The following SORCS1 variants were observed in gnomAD, a reference collection of about 807,000 sequenced individuals.
SORCS1 encodes VPS10 domain-containing receptor SorCS1.
SORCS1 carries 60 observed loss-of-function variants against 146.1 expected under a neutral mutation model. The ratio of observed to expected loss-of-function variants is 0.41; its 90% CI spans 0.33 to 0.51. The LOEUF is 0.51. Ranked by LOEUF, SORCS1 falls within the 20% of genes least tolerant of loss-of-function variation. SORCS1 has a pLI of 0.21. For missense variants in SORCS1, 1,352 were observed against 1,487.6 expected (o/e 0.91, Z 1.50); for synonymous variants, 637 against 584.0 (o/e 1.09, Z -1.31).
At chr10:106,605,480 A>G (rs1479455967) in intron 23 of SORCS1, among the ~76,000 whole-genome samples, 1 of 152,204 alleles carries the variant, frequency 6.6e-6, no homozygotes. Context: ...AAAAGATTAA[A>G]ATCTGGATTT....
At chr10:107,059,955 C>G (rs964960930) in intron 1 of SORCS1, among the ~76,000 whole-genome samples, 1 of 151,622 alleles carries the variant, frequency 6.6e-6, no homozygotes, top group Admixed American at 6.6e-5. Flanking sequence ...AATTGAATTA[C>G]GAAGTACATT....
At chr10:106,963,110 A>ATTTTTTTTTTTTTTTTTTTTTTTTT (rs749174613) in intron 1 of SORCS1, among the ~76,000 whole-genome samples, 5 of 76,310 alleles carry the variant, frequency 6.6e-5, no homozygotes, top group African/African-American at 1.4e-4. Context: ...AATGGCCAGA[A>ATTTTTTTTTTTTTTTTTTTTTTTTT]TTTTTTTTTT....
intron 23 of SORCS1, chr10:106,600,537 A>G (rs2133338836): frequency 3.0e-6 from 3 of 985,380 alleles, no homozygotes; most frequent in Middle Eastern, 5.2e-4. Flanking sequence ...GATGTTTTCC[A>G]CACCACTTGT....
At chr10:106,898,341 C>G (rs527988131) in intron 2 of SORCS1, among the ~76,000 whole-genome samples, 2 of 152,232 alleles carry the variant, frequency 1.3e-5, no homozygotes, top group East Asian at 3.8e-4. Context: ...CACCCTCCCA[C>G]CTAATTAGAT....
At chr10:107,179,248 AT>A in the SORCS1 span, among the ~76,000 whole-genome samples, 1 of 152,132 alleles carries the variant, frequency 6.6e-6, no homozygotes, top group East Asian at 1.9e-4. Flanking sequence ...ACCTGTTGGT[AT>A]TTTGAATGTC....
chr10:106,875,739 T>G (rs1436688965), intron 2 of SORCS1, among the ~76,000 whole-genome samples: 2 of 152,194 alleles, frequency 1.3e-5, no homozygotes, highest in African/African-American at 4.8e-5. Flanking sequence ...GTTTATTAGC[T>G]ATTTGTATAT....
Position 106,930,441 on chromosome 10 carries a change from T to C in SORCS1, c.626+26072A>G, listed in dbSNP as rs370486953. On this transcript the variant is annotated intron_variant, in intron 2 of 25. Transcript: ENST00000263054. ...AAATAAGTGGCAGGGCTGCTGTATATTGAATACAAATTATTTGCAGAACCC... is the reference window on the plus strand; with the variant it reads ...AAATAAGTGGCAGGGCTGCTGTATACTGAATACAAATTATTTGCAGAACCC... Among the ~76,000 whole-genome samples the C allele has an allele frequency of 9.2e-5, 14 of 152,342 alleles. No individual in the cohort carries two copies. In the South Asian group the frequency reaches 2.7e-3, roughly 29 times the overall value.
intron 2 of SORCS1, among the ~76,000 whole-genome samples, chr10:106,865,488 C>T (rs1950193887): frequency 6.6e-6 from 1 of 152,068 alleles, no homozygotes; most frequent in South Asian, 2.1e-4. Flanking sequence ...CTTTGGGAGG[C>T]CTAGGTGGGT....
At chr10:106,852,270 C>G (rs142332288) in intron 2 of SORCS1, among the ~76,000 whole-genome samples, 2 of 152,116 alleles carry the variant, frequency 1.3e-5, no homozygotes, top group Non-Finnish European at 2.9e-5. Context: ...GGAAAACTTT[C>G]GAGTTTCTCA....
chr10:106,615,568 C>G (rs1461302087), intron 21 of SORCS1, among the ~76,000 whole-genome samples: 1 of 152,092 alleles, frequency 6.6e-6, no homozygotes, highest in Non-Finnish European at 1.5e-5. Flanking sequence ...AATCTCAGTA[C>G]TTTGGGAGGC....
In SORCS1 at chr10:106,785,663, G is replaced by A. The variant is rs555023097; in HGVS notation, c.727-8971C>T. Reference sequence around the variant, plus strand: ...GGAAGATTAATGAAGTCTCAGCCACGTGAGACCTTGCTAATGTATTTGACT... The same window carrying A: ...GGAAGATTAATGAAGTCTCAGCCACATGAGACCTTGCTAATGTATTTGACT... On this transcript the variant is annotated intron_variant, in intron 3 of 25. Transcript: ENST00000263054. 4.6e-5 allele frequency among the ~76,000 whole-genome samples: 7 copies of A among 152,286 alleles called. No homozygotes were observed. The South Asian group carries it at 1.2e-3, about 27-fold the overall frequency.
chr10:106,652,226 A>T (rs1183575129), intron 18 of SORCS1, among the ~76,000 whole-genome samples, 156 bp downstream of exon 18: 1 of 152,242 alleles, frequency 6.6e-6, no homozygotes. Context: ...AGGTGAAGTG[A>T]TAATAAAAGA....
intron 5 of SORCS1, among the ~76,000 whole-genome samples, chr10:106,745,427 A>T (rs1857657638): frequency 6.6e-6 from 1 of 151,990 alleles, no homozygotes; most frequent in African/African-American, 2.4e-5. Flanking sequence ...AAAAAAGAAA[A>T]GAAAAAGAAA....
rs557732635 is a variant in SORCS1 at position 106,617,516 on chromosome 10, T to G, written c.2920+633A>C. Among the ~76,000 whole-genome samples, 23 of 152,308 alleles carry G rather than the reference T, an allele frequency of 1.5e-4. No individual in the cohort carries two copies. The East Asian group carries it at 4.2e-3, about 28-fold the overall frequency. ...TCAATCCATCAAGTATTTTTTTTAT[T>G]TCCAGTTTTCAATCAATGACTCCAT... On this transcript the variant is annotated intron_variant, in intron 21 of 25. Coordinates refer to ENST00000263054, the MANE Select transcript of SORCS1 (RefSeq NM_052918.5).
chr10:106,850,243 G>C (rs1436993826), intron 2 of SORCS1, among the ~76,000 whole-genome samples: 2 of 152,070 alleles, frequency 1.3e-5, no homozygotes, highest in African/African-American at 2.4e-5. Context: ...GCGAGACTCC[G>C]TGGGTGGAGG....
At chr10:107,136,246 T>C (rs970221040) in intron 1 of SORCS1, among the ~76,000 whole-genome samples, 3 of 151,962 alleles carry the variant, frequency 2.0e-5, no homozygotes, top group Non-Finnish European at 2.9e-5. Context: ...TTCACAGGAG[T>C]GACTCTGGAA....
chr10:107,168,133 G>T (rs115190192), upstream of SORCS1, among the ~76,000 whole-genome samples: 1,312 of 152,244 alleles, frequency 8.6e-3, 16 homozygotes, highest in African/African-American at 0.028. Context: ...ACCATTAGGG[G>T]CTATCCTTTT....
At chr10:106,628,304 T>G (rs1848227199) in intron 19 of SORCS1, among the ~76,000 whole-genome samples, 1 of 152,212 alleles carries the variant, frequency 6.6e-6, no homozygotes, top group Admixed American at 6.5e-5. Context: ...TAATTGATAC[T>G]TTCTGTATTC....
At chr10:107,117,378 ACCATCAGG>A (rs1393168523) in intron 1 of SORCS1, among the ~76,000 whole-genome samples, 4 of 152,220 alleles carry the variant, frequency 2.6e-5, no homozygotes, top group African/African-American at 7.2e-5. Context: ...CCATTCAGAG[ACCATCAGG>A]ACTGCTTTCT....
Sources: allele counts gnomAD v4.1 joint callset (sites outside exome capture counted in the v4.1 genomes callset), GRCh38; gene constraint gnomAD v4.1.1; transcripts MANE v1.5; gene names NCBI Gene and HGNC (gene_info 2026-07-23, HGNC 2026-07-21).